The following CEP63 variants were observed in gnomAD, a reference collection of about 807,000 sequenced individuals.
The protein encoded by CEP63 is centrosomal protein 63.
Under a neutral mutation model 89.1 loss-of-function variants are expected in CEP63, and 84 were observed. That is an observed-to-expected ratio of 0.94 (90% CI 0.79 to 1.13). The LOEUF (loss-of-function observed/expected upper bound fraction) is 1.13, where lower values mean the gene tolerates loss of function less well. Ranked by LOEUF, CEP63 falls within the 50% of genes most tolerant of loss-of-function variation. The probability of loss-of-function intolerance (pLI) is 0.00; values close to 1 mark genes in which losing one functional copy is unlikely to be tolerated. For missense variants in CEP63, 838 were observed against 813.3 expected (o/e 1.03, Z -0.37); for synonymous variants, 267 against 272.5 (o/e 0.98, Z 0.20).
At chr3:134,485,997 CCCCCCT>C, upstream of CEP63, 1 of 980,846 alleles carries the variant, frequency 1.0e-6, no homozygotes, top group African/African-American at 1.8e-5. Context: ...CCACGCCCCC[CCCCCCT>C]CCCCCGCATC....
At chr3:134,531,153 T>C (rs1369794806) in intron 3 of CEP63, among the ~76,000 whole-genome samples, 1 of 152,228 alleles carries the variant, frequency 6.6e-6, no homozygotes, top group East Asian at 1.9e-4. Context: ...TTCTGTACTT[T>C]ATTGTAGAGA....
chr3:134,512,168 A>G (rs764628916), intron 3 of CEP63, among the ~76,000 whole-genome samples: 14 of 152,240 alleles, frequency 9.2e-5, no homozygotes, highest in Non-Finnish European at 1.6e-4. Context: ...GTTTCAAGAC[A>G]TACTTGATTT....
chr3:134,595,986 C>G, the CEP63 span, among the ~76,000 whole-genome samples: 1 of 146,976 alleles, frequency 6.8e-6, no homozygotes, highest in East Asian at 2.0e-4. Flanking sequence ...TGCCATTTTG[C>G]AGCTCTTTCC....
chr3:134,610,077 G>C, the CEP63 span: 1 of 1,092,160 alleles, frequency 9.2e-7, no homozygotes, highest in Non-Finnish European at 1.3e-6. Flanking sequence ...GTGGGCATGG[G>C]GCCTCCTGGC....
At chr3:134,705,673 T>A in the CEP63 span, among the ~76,000 whole-genome samples, 7 of 152,150 alleles carry the variant, frequency 4.6e-5, no homozygotes, top group Non-Finnish European at 1.0e-4. Flanking sequence ...ACTCCAACCC[T>A]TCTTATGGGG....
intron 2 of CEP63, among the ~76,000 whole-genome samples, chr3:134,498,843 A>G (rs775681021): frequency 2.6e-5 from 4 of 152,124 alleles, no homozygotes; most frequent in South Asian, 2.1e-4. Context: ...GATGTGATGT[A>G]TCACTTTTAT....
chr3:134,682,562 T>A, the CEP63 span, among the ~76,000 whole-genome samples: 1 of 152,206 alleles, frequency 6.6e-6, no homozygotes, highest in South Asian at 2.1e-4. Flanking sequence ...ACACTATTAT[T>A]AATAAGTATA....
chr3:134,636,210 C>T, the CEP63 span, among the ~76,000 whole-genome samples: 2 of 152,200 alleles, frequency 1.3e-5, no homozygotes, highest in South Asian at 4.1e-4. Flanking sequence ...TAGATATTGG[C>T]AAAATTTTCT....
the CEP63 span, among the ~76,000 whole-genome samples, chr3:134,677,176 T>C: frequency 5.3e-5 from 7 of 132,214 alleles, no homozygotes; most frequent in Non-Finnish European, 8.4e-5. Flanking sequence ...GGAGAATTGC[T>C]TGAACCCGGC....
At chr3:134,723,633 G>A in the CEP63 span, among the ~76,000 whole-genome samples, 2 of 152,068 alleles carry the variant, frequency 1.3e-5, no homozygotes, top group African/African-American at 2.4e-5. Flanking sequence ...GAGAAGGAGC[G>A]ATGGAACCAC....
the CEP63 span, among the ~76,000 whole-genome samples, chr3:134,741,601 A>G: frequency 6.6e-6 from 1 of 152,260 alleles, no homozygotes; most frequent in South Asian, 2.1e-4. Flanking sequence ...CAACATTCAT[A>G]CTTGCTCCAG....
the CEP63 span, among the ~76,000 whole-genome samples, chr3:134,781,252 AT>A: frequency 1.3e-5 from 2 of 151,978 alleles, no homozygotes; most frequent in East Asian, 1.9e-4. Context: ...AAAATTATAG[AT>A]TTTTTTTGTA....
the CEP63 span, among the ~76,000 whole-genome samples, chr3:134,732,635 A>G: frequency 6.6e-6 from 1 of 152,148 alleles, no homozygotes; most frequent in African/African-American, 2.4e-5. Context: ...AATAGTTTTG[A>G]AAAAAAGTGA....
At chr3:134,581,971 G>C (rs996744477) in intron 10 of CEP63, among the ~76,000 whole-genome samples, 3 of 151,886 alleles carry the variant, frequency 2.0e-5, no homozygotes, top group Non-Finnish European at 4.4e-5. Context: ...CACCGCGCCC[G>C]GCCGAAAACA....
chr3:134,644,348 C>T, the CEP63 span, among the ~76,000 whole-genome samples: 1 of 152,346 alleles, frequency 6.6e-6, no homozygotes, highest in South Asian at 2.1e-4. Flanking sequence ...CTAGTTCCTG[C>T]CATAGGCCAA....
chr3:134,679,651 T>C, the CEP63 span, among the ~76,000 whole-genome samples: 1 of 152,224 alleles, frequency 6.6e-6, no homozygotes, highest in Non-Finnish European at 1.5e-5. Context: ...TATTTGGAGA[T>C]ATGGTCTTTA....
rs191651751 is a variant in CEP63 at position 134,562,164 on chromosome 3, G to A, written c.*629G>A. 9.1e-6 allele frequency: 9 copies of A among 986,732 alleles called. No homozygotes were observed. Among genetic ancestry groups the A allele is most frequent in the East Asian group, 1.1e-4 (1 of 8,826 alleles). 61.1% of individuals were successfully genotyped at this position (986,732 alleles called of 1,614,324 possible). A position where few individuals can be genotyped will look rare whatever the true frequency, so the allele number is the denominator to read the frequency against. ...GGGCAAGGGACTGGCTGTCATGCAC[G>A]GTGCCCATGGAATATCCATTGGAAA... On this transcript the variant is annotated 3_prime_UTR_variant, in exon 15 of 15. Coordinates refer to ENST00000675561, the MANE Select transcript of CEP63 (RefSeq NM_001353108.3).
the CEP63 span, among the ~76,000 whole-genome samples, chr3:134,731,693 A>G: frequency 6.6e-6 from 1 of 152,188 alleles, no homozygotes; most frequent in African/African-American, 2.4e-5. Context: ...CATTACCAGG[A>G]GACAGAGACT....
the CEP63 span, among the ~76,000 whole-genome samples, chr3:134,675,625 G>T: frequency 2.0e-5 from 3 of 151,782 alleles, no homozygotes; most frequent in East Asian, 5.8e-4. Flanking sequence ...ATATTTTAAA[G>T]TCATATGCCT....
Sources: gnomAD v4.1 joint callset for allele counts (sites outside exome capture counted in the v4.1 genomes callset) on GRCh38, gnomAD v4.1.1 for gene constraint, MANE v1.5 for transcripts, NCBI Gene and HGNC (gene_info 2026-07-23, HGNC 2026-07-21) for gene names.